The following KIAA1217 variants were observed in gnomAD, a reference collection of about 807,000 sequenced individuals.
KIAA1217 encodes the protein sickle tail protein homolog.
Under a neutral mutation model 163.9 loss-of-function variants are expected in KIAA1217, and 88 were observed. The observed-to-expected ratio is 0.54, with a 90% confidence interval of 0.45 to 0.64. The LOEUF is 0.64. Among genes scored for constraint, KIAA1217 ranks in the 30% least tolerant of loss-of-function variants. The pLI is 0.00. For missense variants in KIAA1217, 2,372 were observed against 2,475.0 expected (o/e 0.96, Z 0.88); for synonymous variants, 903 against 923.1 (o/e 0.98, Z 0.39).
chr10:23,788,336 A>G (rs1835588325), intron 1 of KIAA1217, among the ~76,000 whole-genome samples: 1 of 152,238 alleles, frequency 6.6e-6, no homozygotes, highest in Admixed American at 6.5e-5. Context: ...AATGGAATTC[A>G]TAGACCTTTA....
Position 24,196,136 on chromosome 10 carries a change from AACACACACACACACAC to A in KIAA1217, c.-170-23469_-170-23454del, listed in dbSNP as rs66954103. Among the ~76,000 whole-genome samples, 12 of 144,318 alleles carry A rather than the reference AACACACACACACACAC, an allele frequency of 8.3e-5. No individual in the cohort carries two copies. In the South Asian group the frequency reaches 2.7e-3, roughly 32 times the overall value. 94.7% of individuals were successfully genotyped at this position (144,318 alleles called of 152,430 possible). A position where few individuals can be genotyped will look rare whatever the true frequency, so the allele number is the denominator to read the frequency against. On this transcript the variant is annotated intron_variant, in intron 2 of 18. Transcript: ENST00000376462. ...GTGACAGAGTGAGACCCTGTCTCAA[AACACACACACACACAC>A]ACACACACACACACACACACTGCCC...
intron 2 of KIAA1217, among the ~76,000 whole-genome samples, chr10:24,143,265 A>T (rs962155228): frequency 1.8e-4 from 27 of 152,014 alleles, no homozygotes; most frequent in African/African-American, 6.5e-4. Context: ...AGCAAGCAAT[A>T]TCCATTTCTT....
chr10:23,850,073 A>G (rs1412030900), intron 1 of KIAA1217, among the ~76,000 whole-genome samples: 1 of 152,074 alleles, frequency 6.6e-6, no homozygotes, highest in South Asian at 2.1e-4. Context: ...AATAAGGTGG[A>G]CCAAATTCTA....
chr10:23,913,328 T>C (rs928781807), intron 1 of KIAA1217, among the ~76,000 whole-genome samples: 1 of 151,914 alleles, frequency 6.6e-6, no homozygotes, highest in Non-Finnish European at 1.5e-5. Context: ...GAGTTTATAT[T>C]GGCAATAAAG....
intron 2 of KIAA1217, among the ~76,000 whole-genome samples, chr10:24,202,702 C>G (rs550755995): frequency 3.9e-5 from 6 of 152,292 alleles, no homozygotes; most frequent in Admixed American, 2.0e-4. Context: ...GCCCTGCCCC[C>G]CAGGGAGGTC....
intron 5 of KIAA1217, chr10:24,449,836 C>A: frequency 1.3e-6 from 1 of 769,118 alleles, no homozygotes; most frequent in Non-Finnish European, 1.6e-6. Context: ...GTTTATCTTT[C>A]ATTAACTTGT....
intron 2 of KIAA1217, among the ~76,000 whole-genome samples, chr10:24,149,473 C>T (rs1394744911): frequency 6.6e-6 from 1 of 151,680 alleles, no homozygotes; most frequent in Non-Finnish European, 1.5e-5. Flanking sequence ...CATGAGCCTC[C>T]ATGCCTGGCC....
rs551633904 is a variant in KIAA1217 at position 23,816,919 on chromosome 10, GA to G, written c.-321+121691del. On this transcript the variant is annotated intron_variant, in intron 1 of 18. Transcript: ENST00000376462. ...CAAGCAAGGCAAAGAGAAGGAAGTG[GA>G]AAAAAGGATGACTCTGCTGTTCTCA... Among the ~76,000 whole-genome samples, 4 of 152,202 alleles carry G rather than the reference GA, an allele frequency of 2.6e-5. No homozygotes were observed. In the South Asian group the frequency reaches 8.3e-4, roughly 32 times the overall value.
intron 3 of KIAA1217, among the ~76,000 whole-genome samples, chr10:24,403,987 C>G (rs1486023617): frequency 6.6e-6 from 1 of 152,086 alleles, no homozygotes; most frequent in African/African-American, 2.4e-5. Flanking sequence ...GACAGGGTCT[C>G]CCTCTGTTGC....
intron 2 of KIAA1217, among the ~76,000 whole-genome samples, chr10:24,038,747 C>CTT (rs3072773): frequency 7.9e-5 from 6 of 76,292 alleles, no homozygotes; most frequent in Admixed American, 1.6e-4. Flanking sequence ...CTGAGAATTG[C>CTT]TTTTTTTTTT....
chr10:23,871,093 C>T (rs1000381892), intron 1 of KIAA1217, among the ~76,000 whole-genome samples: 1 of 151,050 alleles, frequency 6.6e-6, no homozygotes, highest in African/African-American at 2.4e-5. Flanking sequence ...AGAGGAAACT[C>T]ATAGGAATGA....
chr10:24,130,492 A>G (rs555977978), intron 2 of KIAA1217, among the ~76,000 whole-genome samples: 2 of 152,316 alleles, frequency 1.3e-5, no homozygotes, highest in South Asian at 4.1e-4. Flanking sequence ...TCTGTATCAA[A>G]GCAGTTAATG....
intron 2 of KIAA1217, among the ~76,000 whole-genome samples, chr10:24,302,350 T>C (rs1460031556): frequency 1.3e-5 from 2 of 152,168 alleles, no homozygotes; most frequent in Non-Finnish European, 2.9e-5. Flanking sequence ...AGCTCAGAAC[T>C]CTGAATGCAC....
chr10:24,433,683 CT>C (rs1461987682), intron 4 of KIAA1217, among the ~76,000 whole-genome samples: 1 of 152,172 alleles, frequency 6.6e-6, no homozygotes, highest in Admixed American at 6.5e-5. Flanking sequence ...CATATTGGAA[CT>C]TTCCCAATTC....
chr10:23,747,645 G>A (rs975137896), intron 1 of KIAA1217, among the ~76,000 whole-genome samples: 4 of 152,136 alleles, frequency 2.6e-5, no homozygotes, highest in Non-Finnish European at 5.9e-5. Context: ...CATAAATAGT[G>A]GAGGAAATGA....
At chr10:23,815,113 CATT>C (rs1016045220) in intron 1 of KIAA1217, among the ~76,000 whole-genome samples, 5 of 151,766 alleles carry the variant, frequency 3.3e-5, no homozygotes, top group East Asian at 3.9e-4. Context: ...AAATCTAAAA[CATT>C]ATTATTATTA....
chr10:23,831,356 T>C (rs138038599), intron 1 of KIAA1217, among the ~76,000 whole-genome samples: 2 of 150,028 alleles, frequency 1.3e-5, no homozygotes, highest in African/African-American at 4.9e-5. Context: ...GGCCTATGGA[T>C]GGGGAGAAAA....
chr10:24,003,775 C>T (rs985148343), intron 1 of KIAA1217, among the ~76,000 whole-genome samples: 1 of 152,128 alleles, frequency 6.6e-6, no homozygotes, highest in African/African-American at 2.4e-5. Flanking sequence ...TAGTAATTTG[C>T]AGTAGTCAAA....
At chr10:24,509,317 T>C (rs1335056567) in intron 9 of KIAA1217, among the ~76,000 whole-genome samples, 1 of 152,186 alleles carries the variant, frequency 6.6e-6, no homozygotes, top group Non-Finnish European at 1.5e-5. Flanking sequence ...ACCTTGTTCA[T>C]TCATGATTCA....
Sources: allele counts gnomAD v4.1 joint callset (sites outside exome capture counted in the v4.1 genomes callset), GRCh38; gene constraint gnomAD v4.1.1; transcripts MANE v1.5; gene names NCBI Gene and HGNC (gene_info 2026-07-23, HGNC 2026-07-21).